Variants in BTN2A1 observed in about 807,000 individuals in gnomAD.
BTN2A1 encodes butyrophilin, subfamily 2, member A1.
Under a neutral mutation model 34.5 loss-of-function variants are expected in BTN2A1, and 41 were observed. The ratio of observed to expected loss-of-function variants is 1.19; its 90% CI spans 0.93 to 1.54. The LOEUF (loss-of-function observed/expected upper bound fraction) is 1.54. Among genes scored for constraint, BTN2A1 ranks in the 40% most tolerant of loss-of-function variants. BTN2A1 has a pLI of 0.00. For synonymous variants in BTN2A1, 267 were observed against 258.6 expected (o/e 1.03, Z -0.31); for missense variants, 642 against 662.0 (o/e 0.97, Z 0.33).
At chr6:26,475,749 TTAAAA>T (rs943140444) in intron 7 of BTN2A1, among the ~76,000 whole-genome samples, 4 of 151,238 alleles carry the variant, frequency 2.6e-5, no homozygotes, top group East Asian at 3.9e-4. Context: ...CTCTAAAAAA[TTAAAA>T]TAAAATAAAA....
In BTN2A1 at chr6:26,468,639, C is replaced by A. The variant is rs746431320; in HGVS notation, c.*90C>A. 4.2e-5 allele frequency: 67 copies of A among 1,613,954 alleles called. No individual in the cohort carries two copies. The highest frequency in any genetic ancestry group is 5.7e-5 in the Non-Finnish European group (67 of 1,180,038). ...CACCCCTGGTGGAAGACACGCCCTC[C>A]TCCCCTCTGGTCACACAAGAGAACA... On this transcript the variant is annotated 3_prime_UTR_variant, in exon 8 of 8. Transcript: ENST00000312541.
chr6:26,463,156 C>A, intron 3 of BTN2A1, 88 bp from the exon 4 acceptor site: 2 of 1,417,790 alleles, frequency 1.4e-6, no homozygotes, highest in Non-Finnish European at 1.9e-6. Flanking sequence ...TTTACCTTTA[C>A]TTTCTAGCTT....
intron 4 of BTN2A1, among the ~76,000 whole-genome samples, chr6:26,464,768 G>A (rs1376412809): frequency 1.3e-5 from 2 of 152,316 alleles, no homozygotes; most frequent in Admixed American, 6.5e-5. Context: ...GGCGAGTGAC[G>A]TGGAAAGCGT....
In BTN2A1 at chr6:26,465,344, A is replaced by G. The variant is rs140281108; in HGVS notation, c.872A>G (p.Glu291Gly). The G allele has an allele frequency of 1.7e-5, 28 of 1,614,042 alleles. No homozygotes were observed. The African/African-American group carries it at 2.3e-4, about 13-fold the overall frequency. ...AAGGAGTTTGAACGGGAAACAAGAGAAATTGCTCTAAAGGAACTGGAGAAA... is the reference window on the plus strand; with the variant it reads ...AAGGAGTTTGAACGGGAAACAAGAGGAATTGCTCTAAAGGAACTGGAGAAA... ...GEKEFERETR[E>G]IALKELEKER... The change falls in exon 5 of 8, where the codon GAA (glutamate) becomes GGA (glycine). Residue 291 changes from glutamate to glycine, a missense_variant. Transcript: ENST00000312541.
intron 3 of BTN2A1, among the ~76,000 whole-genome samples, chr6:26,460,430 C>T (rs561697332): frequency 9.2e-5 from 14 of 152,120 alleles, no homozygotes; most frequent in Admixed American, 1.3e-4. Context: ...TAAACCAAGA[C>T]GAAATACAGA....
At chr6:26,472,226 G>A (rs1264190495), downstream of BTN2A1, among the ~76,000 whole-genome samples, 4 of 152,204 alleles carry the variant, frequency 2.6e-5, no homozygotes, top group Non-Finnish European at 5.9e-5. Context: ...TAAGGGGAGT[G>A]TAAGGGTCTA....
intron 3 of BTN2A1, among the ~76,000 whole-genome samples, chr6:26,461,915 G>A (rs1763176501): frequency 6.6e-6 from 1 of 152,130 alleles, no homozygotes; most frequent in African/African-American, 2.4e-5. Flanking sequence ...CAGCTACTTG[G>A]GAGGCTGAGG....
intron 7 of BTN2A1, among the ~76,000 whole-genome samples, chr6:26,474,729 A>G (rs1763508917): frequency 6.6e-6 from 1 of 151,286 alleles, no homozygotes; most frequent in Admixed American, 6.6e-5. Flanking sequence ...CTTAGGAACT[A>G]ATTACAGTCA....
chr6:26,476,597 G>T, exon 8 of BTN2A1: 1 of 260,868 alleles, frequency 3.8e-6, no homozygotes, highest in Non-Finnish European at 7.8e-6. Flanking sequence ...ATATCTGGCT[G>T]AGAATAAATC....
chr6:26,462,885 C>A, intron 3 of BTN2A1: 1 of 1,276,144 alleles, frequency 7.8e-7, no homozygotes, highest in Non-Finnish European at 1.0e-6. Flanking sequence ...GGAGTCGACA[C>A]ACCCATCTCA....
At position 26,467,947 on chromosome 6, in the gene BTN2A1, G is replaced by C. The variant is rs1168982906; in HGVS notation, c.983-1G>C. The stretch of plus-strand genomic sequence containing the variant: ...GCCTAAACCTGAGACTTCCTCTGCA[G>C]TTGATGTGGTCCTGGATCCAGACAC... On this transcript the variant is annotated splice_acceptor_variant, in intron 7 of 7. Coordinates refer to ENST00000312541, the MANE Select transcript of BTN2A1 (RefSeq NM_007049.5). LOFTEE classifies it high-confidence loss of function. The C allele has an allele frequency of 2.5e-6, 4 of 1,610,680 alleles. No individual in the cohort carries two copies. In the African/African-American group the frequency reaches 5.3e-5, roughly 22 times the overall value.
At chr6:26,467,575 G>A in intron 7 of BTN2A1, 1 of 816,030 alleles carries the variant, frequency 1.2e-6, no homozygotes, top group South Asian at 1.9e-5. Context: ...GCCTCCCAAA[G>A]TTCTGGGATT....
chr6:26,468,439 T>A lies in BTN2A1; in HGVS notation c.1474T>A (p.Cys492Ser), dbSNP rs1390256870. The change falls in exon 8 of 8, where the codon TGT becomes AGT. Residue 492 changes from cysteine (C) to serine (S), a missense_variant. By Grantham distance (112) the Cys-to-Ser change is moderately radical (BLOSUM62 -1). Transcript: ENST00000312541. ...VPVRPFFRLGCEDSPIFICPA... is the reference protein window; with the variant it reads ...VPVRPFFRLGSEDSPIFICPA... ...TGTGAGGCCCTTCTTCAGGTTGGGG[T>A]GTGAGGACAGCCCCATCTTCATCTG... 6.2e-7 allele frequency: 1 copy of A among 1,613,962 alleles called. No individual in the cohort carries two copies. Among genetic ancestry groups the A allele is most frequent in the Non-Finnish European group, 8.5e-7 (1 of 1,180,008 alleles).
chr6:26,474,012 TTTTCCTTTATTC>T (rs1390765107), downstream of BTN2A1, among the ~76,000 whole-genome samples: 5 of 152,384 alleles, frequency 3.3e-5, no homozygotes, highest in East Asian at 3.9e-4. Context: ...ACATGCTTTC[TTTTCCTTTATTC>T]TGGATCAGAG....
chr6:26,464,244 C>T (rs9467759), intron 4 of BTN2A1, among the ~76,000 whole-genome samples: 35,502 of 152,008 alleles, frequency 0.23, 5,031 homozygotes, highest in African/African-American at 0.4. Flanking sequence ...TGGAAATTCC[C>T]TATAGACACA....
chr6:26,468,655 C>T lies in BTN2A1; in HGVS notation c.*106C>T. The T allele has an allele frequency of 3.7e-6, 6 of 1,613,862 alleles. No individual in the cohort carries two copies. Among genetic ancestry groups the T allele is most frequent in the Non-Finnish European group, 4.2e-6 (5 of 1,180,022 alleles). On this transcript the variant is annotated 3_prime_UTR_variant, in exon 8 of 8. Coordinates refer to ENST00000312541, the MANE Select transcript of BTN2A1 (RefSeq NM_007049.5). ...CACGCCCTCCTCCCCTCTGGTCACA[C>T]AAGAGAACATCTTCCAGCTGCCTCT...
downstream of BTN2A1, among the ~76,000 whole-genome samples, chr6:26,470,265 A>G (rs1763425011): frequency 6.6e-6 from 1 of 152,012 alleles, no homozygotes; most frequent in Admixed American, 6.6e-5. Context: ...GGAATCCTTG[A>G]ACCCCAGTGG....
intron 3 of BTN2A1, chr6:26,462,684 CG>C: frequency 1.7e-6 from 1 of 594,246 alleles, no homozygotes; most frequent in Non-Finnish European, 2.7e-6. Flanking sequence ...TGGTAGAAAG[CG>C]GTGGTTATGT....
At chr6:26,472,107 T>G (rs1763462852), downstream of BTN2A1, among the ~76,000 whole-genome samples, 1 of 152,220 alleles carries the variant, frequency 6.6e-6, no homozygotes, top group Admixed American at 6.5e-5. Context: ...AGTTCTGTCT[T>G]TATTTTCTTC....
Sources: allele counts gnomAD v4.1 joint callset (sites outside exome capture counted in the v4.1 genomes callset), GRCh38; gene constraint gnomAD v4.1.1; transcripts MANE v1.5; gene names NCBI Gene and HGNC (gene_info 2026-07-23, HGNC 2026-07-21).